ADAMTS6: variants seen among roughly 807,000 people sequenced by gnomAD.
The protein encoded by ADAMTS6 is ADAM metallopeptidase with thrombospondin type 1 motif 6.
ADAMTS6 carries 23 observed loss-of-function variants against 144.3 expected under a neutral mutation model. That is an observed-to-expected ratio of 0.16 (90% confidence interval 0.11 to 0.23). The LOEUF (loss-of-function observed/expected upper bound fraction) is 0.23. Ranked by LOEUF, ADAMTS6 falls within the 10% of genes least tolerant of loss-of-function variation. The probability of loss-of-function intolerance (pLI) is 1.00; values close to 1 mark genes in which losing one functional copy is unlikely to be tolerated. For synonymous variants in ADAMTS6, 444 were observed against 457.5 expected (o/e 0.97, Z 0.38); for missense variants, 999 against 1,379.6 (o/e 0.72, Z 4.37).
chr5:65,248,248 T>G (rs1334362517), intron 14 of ADAMTS6, among the ~76,000 whole-genome samples: 1 of 152,160 alleles, frequency 6.6e-6, no homozygotes, highest in Non-Finnish European at 1.5e-5. Context: ...AACCTCAGTT[T>G]TTATTCAACT....
chr5:65,238,369 G>A (rs978183440), intron 15 of ADAMTS6, among the ~76,000 whole-genome samples: 39 of 152,054 alleles, frequency 2.6e-4, no homozygotes, highest in Admixed American at 2.5e-3. Context: ...TTGGGAGGTC[G>A]AGTCATGTGG....
At chr5:65,164,708 A>C (rs1753040852) in intron 24 of ADAMTS6, among the ~76,000 whole-genome samples, 1 of 146,386 alleles carries the variant, frequency 6.8e-6, no homozygotes, top group South Asian at 2.2e-4. Context: ...TGCCTCCTCA[A>C]GTGGGTCCCT....
At chr5:65,325,243 C>A (rs985034116) in intron 9 of ADAMTS6, among the ~76,000 whole-genome samples, 1 of 152,070 alleles carries the variant, frequency 6.6e-6, no homozygotes, top group African/African-American at 2.4e-5. Context: ...ACACCTTTGC[C>A]AACGCTCACT....
At chr5:65,175,857 C>A (rs1444887569) in intron 22 of ADAMTS6, among the ~76,000 whole-genome samples, 1 of 134,152 alleles carries the variant, frequency 7.5e-6, no homozygotes, top group East Asian at 2.0e-4. Context: ...GATGGTTCCT[C>A]CCAGGTAATT....
At chr5:65,335,842 A>G (rs114306412) in intron 7 of ADAMTS6, among the ~76,000 whole-genome samples, 1,657 of 152,258 alleles carry the variant, frequency 0.011, 22 homozygotes, top group African/African-American at 0.038. Context: ...TAAAAACAAA[A>G]TATAGAAATA....
chr5:65,357,180 T>C (rs1021673624), intron 7 of ADAMTS6, among the ~76,000 whole-genome samples: 3 of 151,640 alleles, frequency 2.0e-5, no homozygotes, highest in Admixed American at 6.6e-5. Context: ...TTCACAAATA[T>C]GTGGAAATTA....
chr5:65,197,198 A>T (rs761009387), intron 20 of ADAMTS6, 47 bp from the exon 21 acceptor site: 2 of 1,603,992 alleles, frequency 1.2e-6, no homozygotes, highest in South Asian at 2.2e-5. Flanking sequence ...TTTACCTTCC[A>T]TTAAGTTAGG....
chr5:65,167,651 C>T (rs1204549321), intron 24 of ADAMTS6, among the ~76,000 whole-genome samples: 128 of 127,628 alleles, frequency 1.0e-3, no homozygotes, highest in African/African-American at 3.6e-3. Context: ...ACTGGCAAAC[C>T]GAATCCAGCA....
chr5:65,196,346 C>T (rs1274748467), intron 21 of ADAMTS6, among the ~76,000 whole-genome samples: 1 of 151,360 alleles, frequency 6.6e-6, no homozygotes, highest in Non-Finnish European at 1.5e-5. Context: ...CACAGTGAAA[C>T]CCCGTCTCTA....
rs535318346 is a variant in ADAMTS6 at position 65,191,848 on chromosome 5, A to G, written c.2706-3628T>C. Among the ~76,000 whole-genome samples the G allele has an allele frequency of 4.6e-5, 7 of 152,280 alleles. No homozygotes were observed. In the South Asian group the frequency reaches 1.4e-3, roughly 32 times the overall value. On this transcript the variant is annotated intron_variant, in intron 21 of 24. Coordinates refer to ENST00000381055, the MANE Select transcript of ADAMTS6 (RefSeq NM_197941.4). ...ATCTCTGAAGTTGTAGCAACTGAGA[A>G]TGTGTCAATGAAGCAAGCAAAATTA... is the stretch of plus-strand genomic sequence containing the variant.
chr5:65,160,456 A>G (rs1222128578), intron 24 of ADAMTS6, among the ~76,000 whole-genome samples: 3 of 150,488 alleles, frequency 2.0e-5, no homozygotes, highest in Admixed American at 6.6e-5. Context: ...ACAGGTGCCC[A>G]CCACCACGCC....
At chr5:65,245,102 C>T (rs1265732749) in intron 14 of ADAMTS6, among the ~76,000 whole-genome samples, 1 of 152,106 alleles carries the variant, frequency 6.6e-6, no homozygotes, top group Non-Finnish European at 1.5e-5. Context: ...GCAACATATT[C>T]ACACAAACTG....
chr5:65,470,791 T>C lies in ADAMTS6; in HGVS notation c.449A>G (p.Asn150Ser). Residue 150 changes from asparagine to serine, a missense_variant, in exon 3 of 25, where the codon AAC becomes AGC. By Grantham distance (46) the Asn-to-Ser change is conservative. Around this residue, in one of 3 missense-constraint regions of ADAMTS6, gnomAD observed 252 missense variants for 293.7 expected, o/e 0.86. Transcript: ENST00000381055. ...GCATCTACTTACCAACCCAACACAG[T>C]TGCTTAAAGCCACTTTAGTTGTACT... is the stretch of plus-strand genomic sequence containing the variant. ...QRSTTKVALS[N>S]CVGLHGVIAT... 1 of 1,587,974 alleles carries C rather than the reference T, an allele frequency of 6.3e-7. No individual in the cohort carries two copies. The highest frequency in any genetic ancestry group is 1.7e-4 in the Middle Eastern group (1 of 6,012).
At chr5:65,206,813 T>C (rs1464669733) in intron 20 of ADAMTS6, among the ~76,000 whole-genome samples, 1 of 132,302 alleles carries the variant, frequency 7.6e-6, no homozygotes, top group Non-Finnish European at 1.6e-5. Flanking sequence ...TTATATGCTG[T>C]TTTTTTTCTC....
intron 4 of ADAMTS6, among the ~76,000 whole-genome samples, chr5:65,454,511 C>T (rs1759034917): frequency 6.6e-6 from 1 of 152,190 alleles, no homozygotes; most frequent in Admixed American, 6.5e-5. Context: ...AGATGGCCTC[C>T]ATGACCTCTG....
chr5:65,418,892 A>G (rs1175921688), intron 7 of ADAMTS6, among the ~76,000 whole-genome samples: 1 of 152,126 alleles, frequency 6.6e-6, no homozygotes, highest in Non-Finnish European at 1.5e-5. Context: ...TAAAAAAACC[A>G]AAACAACAAA....
At chr5:65,249,552 TTAAATAAAC>T (rs1759966368) in intron 14 of ADAMTS6, among the ~76,000 whole-genome samples, 1 of 152,098 alleles carries the variant, frequency 6.6e-6, no homozygotes, top group Non-Finnish European at 1.5e-5. Flanking sequence ...CTAAAGCCTT[TTAAATAAAC>T]TAAATAAACT....
At chr5:65,320,605 T>C (rs1258682337) in intron 9 of ADAMTS6, among the ~76,000 whole-genome samples, 4 of 151,970 alleles carry the variant, frequency 2.6e-5, no homozygotes, top group Admixed American at 2.0e-4. Flanking sequence ...GTTTGTTACA[T>C]AGGTAAATTT....
In ADAMTS6 at chr5:65,376,157, T is replaced by C. The variant is rs113980775; in HGVS notation, c.1074-42072A>G. Among the ~76,000 whole-genome samples, 844 of 152,244 alleles carry C rather than the reference T, an allele frequency of 5.5e-3. 19 individuals are homozygous for C. Among genetic ancestry groups the C allele is most frequent in the African/African-American group, 0.018 (762 of 41,522 alleles). On this transcript the variant is annotated intron_variant, in intron 7 of 24. Transcript: ENST00000381055. ...GGATAGCATTGGGAGATGTACCTAA[T>C]GCTAGATGACGAGTTAGTGGGTGCA...
Sources: allele counts gnomAD v4.1 joint callset (sites outside exome capture counted in the v4.1 genomes callset), GRCh38; gene constraint gnomAD v4.1.1; regional missense constraint gnomAD v4.1.1; transcripts MANE v1.5; gene names NCBI Gene and HGNC (gene_info 2026-07-23, HGNC 2026-07-21).